Variants in SH3PXD2A observed in about 807,000 individuals in gnomAD.
The protein encoded by SH3PXD2A is SH3 and PX domain-containing protein 2A.
In SH3PXD2A, 32 loss-of-function variants were observed where a neutral mutation model predicts 115.2. The ratio of observed to expected loss-of-function variants is 0.28; its 90% CI spans 0.21 to 0.37. The LOEUF (loss-of-function observed/expected upper bound fraction) is 0.37, where lower values mean the gene tolerates loss of function less well. Ranked by LOEUF, SH3PXD2A falls within the 10% of genes least tolerant of loss-of-function variation. SH3PXD2A has a pLI of 1.00. For missense variants in SH3PXD2A, 1,328 were observed against 1,498.7 expected, an observed-to-expected ratio of 0.89 and a Z score of 1.88; for synonymous variants, 610 against 629.1, an observed-to-expected ratio of 0.97 and a Z score of 0.45.
Position 103,756,587 on chromosome 10 carries a change from C to T in SH3PXD2A, c.229+10507G>A, listed in dbSNP as rs2134212325. On this transcript the variant is annotated intron_variant, in intron 3 of 14. Coordinates refer to ENST00000369774, the MANE Select transcript of SH3PXD2A (RefSeq NM_001394015.1). The surrounding 1 kb of genome is among the most constrained non-coding windows in gnomAD (Gnocchi z 4.4). ...TTTCATATGCTCCAAAGGCTTCGGC[C>T]ACCTCAGGGAGGAGGGAGGAAGTCC... Among the ~76,000 whole-genome samples the T allele has an allele frequency of 6.6e-6, 1 of 152,270 alleles. No homozygotes were observed. Among genetic ancestry groups the T allele is most frequent in the African/African-American group, 2.4e-5 (1 of 41,548 alleles).
intron 2 of SH3PXD2A, among the ~76,000 whole-genome samples, chr10:103,798,551 T>C (rs2039116780): frequency 6.6e-6 from 1 of 152,184 alleles, no homozygotes; most frequent in South Asian, 2.1e-4. Context: ...ACTCTTTTCC[T>C]GGGGAGAGGG....
chr10:103,786,841 A>AC (rs1163617694), intron 2 of SH3PXD2A, among the ~76,000 whole-genome samples: 5 of 152,136 alleles, frequency 3.3e-5, no homozygotes, highest in South Asian at 4.2e-4. Flanking sequence ...CTGAGGGGTG[A>AC]CCCCTGCTCC....
At chr10:103,781,968 C>T (rs995801666) in intron 2 of SH3PXD2A, among the ~76,000 whole-genome samples, 4 of 152,170 alleles carry the variant, frequency 2.6e-5, no homozygotes, top group Non-Finnish European at 2.9e-5. Context: ...GAGGAACCAA[C>T]GATGGGAACC....
rs13376960 is a variant in SH3PXD2A at position 103,851,614 on chromosome 10, G to A, written c.72+3581C>T. 7.9e-3 allele frequency among the ~76,000 whole-genome samples: 1,210 copies of A among 152,300 alleles called. 20 individuals carry two copies. The highest frequency in any genetic ancestry group is 0.028 in the African/African-American group (1,166 of 41,562). Reference sequence around the variant, plus strand: ...GAGACCCTAAGCAAGTTGGTGAATTGCTCCAAGTTGCAGTTAATTCATCTG... The same window carrying A: ...GAGACCCTAAGCAAGTTGGTGAATTACTCCAAGTTGCAGTTAATTCATCTG... On this transcript the variant is annotated intron_variant, in intron 1 of 14. Coordinates refer to ENST00000369774, the MANE Select transcript of SH3PXD2A (RefSeq NM_001394015.1).
intron 1 of SH3PXD2A, among the ~76,000 whole-genome samples, chr10:103,842,218 C>T (rs1190679642): frequency 1.3e-5 from 2 of 148,784 alleles, no homozygotes; most frequent in Non-Finnish European, 3.0e-5. Context: ...CCATTCAACC[C>T]CCATCTCATA....
intron 5 of SH3PXD2A, among the ~76,000 whole-genome samples, chr10:103,713,062 G>A (rs1214519142): frequency 6.6e-6 from 1 of 152,188 alleles, no homozygotes; most frequent in Non-Finnish European, 1.5e-5. Context: ...GCCAGACGCT[G>A]GGAGCTGTAA....
chr10:103,645,611 CA>C (rs909414953), intron 8 of SH3PXD2A, among the ~76,000 whole-genome samples: 4 of 152,194 alleles, frequency 2.6e-5, no homozygotes, highest in Admixed American at 2.6e-4. Context: ...AGGGAGGCCC[CA>C]CAGGCTAATC....
chr10:103,815,164 A>G (rs1482724738), intron 1 of SH3PXD2A, among the ~76,000 whole-genome samples: 3 of 152,232 alleles, frequency 2.0e-5, no homozygotes, highest in African/African-American at 7.2e-5. Context: ...GGTTTCTGAG[A>G]CATGACACCA....
At chr10:103,648,501 G>A (rs1164680199) in intron 8 of SH3PXD2A, among the ~76,000 whole-genome samples, 1 of 152,198 alleles carries the variant, frequency 6.6e-6, no homozygotes, top group Non-Finnish European at 1.5e-5. Flanking sequence ...CTGGAACCCC[G>A]CAGCCCAGCC....
At chr10:103,608,164 A>AAAAGTTTAC (rs1564842942) in intron 13 of SH3PXD2A, among the ~76,000 whole-genome samples, 3 of 145,992 alleles carry the variant, frequency 2.1e-5, no homozygotes, top group Non-Finnish European at 4.5e-5. Context: ...AAAAAAAAAA[A>AAAAGTTTAC]AAAAAAGAAC....
chr10:103,834,263 G>C (rs1023983601), intron 1 of SH3PXD2A, among the ~76,000 whole-genome samples: 15 of 152,308 alleles, frequency 9.8e-5, no homozygotes, highest in Middle Eastern at 3.4e-3. Context: ...AAGGAATCCA[G>C]CTCACCCTAC....
At chr10:103,652,655 G>A (rs2037145489) in intron 8 of SH3PXD2A, among the ~76,000 whole-genome samples, 2 of 152,324 alleles carry the variant, frequency 1.3e-5, no homozygotes, top group South Asian at 4.1e-4. Flanking sequence ...GCTGAAATCT[G>A]TTACGTAACA....
chr10:103,734,321 A>G (rs2038355867), intron 4 of SH3PXD2A, among the ~76,000 whole-genome samples: 1 of 152,312 alleles, frequency 6.6e-6, no homozygotes, highest in East Asian at 1.9e-4. Flanking sequence ...TAGCTCTATT[A>G]AAGCCAATGG....
chr10:103,822,805 A>G (rs2039394872), intron 1 of SH3PXD2A, among the ~76,000 whole-genome samples: 1 of 152,258 alleles, frequency 6.6e-6, no homozygotes, highest in Non-Finnish European at 1.5e-5. Flanking sequence ...ATAAATAAGC[A>G]TTTACCAAAG....
At chr10:103,766,469 G>A (rs2038755560) in intron 3 of SH3PXD2A, among the ~76,000 whole-genome samples, 1 of 152,174 alleles carries the variant, frequency 6.6e-6, no homozygotes, top group Admixed American at 6.5e-5. Flanking sequence ...TCACCCATTG[G>A]GGGAGATTAT....
chr10:103,711,504 C>T (rs1057126995), intron 5 of SH3PXD2A, among the ~76,000 whole-genome samples: 3 of 152,230 alleles, frequency 2.0e-5, no homozygotes, highest in Admixed American at 6.5e-5. Flanking sequence ...TCCCCCTTCA[C>T]CCTGGGCGCC....
intron 5 of SH3PXD2A, among the ~76,000 whole-genome samples, chr10:103,696,746 GCTGTGT>G (rs147455757): frequency 1.3e-5 from 2 of 152,292 alleles, no homozygotes; most frequent in Non-Finnish European, 2.9e-5. Context: ...GGCCTCCCAA[GCTGTGT>G]CCTAAAACAG....
At chr10:103,616,051 C>T (rs1422168005) in intron 11 of SH3PXD2A, among the ~76,000 whole-genome samples, 60 of 30,732 alleles carry the variant, frequency 2.0e-3, no homozygotes, top group African/African-American at 0.01. Flanking sequence ...GGGGTAGGGG[C>T]GGGGGGTGTG....
chr10:103,775,147 C>T (rs917667314), intron 2 of SH3PXD2A, among the ~76,000 whole-genome samples: 14 of 152,142 alleles, frequency 9.2e-5, no homozygotes, highest in Admixed American at 1.3e-4. Context: ...TGAGGAAGCA[C>T]GGTGCTAGAA....
Sources: gnomAD v4.1 joint callset for allele counts (sites outside exome capture counted in the v4.1 genomes callset) on GRCh38, gnomAD v4.1.1 for gene constraint, Gnocchi (gnomAD v3.1) non-coding constraint, MANE v1.5 for transcripts, NCBI Gene and HGNC (gene_info 2026-07-23, HGNC 2026-07-21) for gene names.